CCND3: variants seen among roughly 807,000 people sequenced by gnomAD.
The protein encoded by CCND3 is G1/S-specific cyclin-D3.
A neutral mutation model predicts 28.7 loss-of-function variants in CCND3; 9 were observed. The observed-to-expected ratio is 0.31, with a 90% CI of 0.19 to 0.55. The LOEUF is 0.55. Ranked by LOEUF, CCND3 falls within the 20% of genes least tolerant of loss-of-function variation. The probability of loss-of-function intolerance (pLI) is 0.93; values close to 1 mark genes in which losing one functional copy is unlikely to be tolerated. For missense variants in CCND3, 315 were observed against 385.8 expected, an observed-to-expected ratio of 0.82 and a Z score of 1.54; for synonymous variants, 164 against 163.9, an observed-to-expected ratio of 1.00 and a Z score of 0.00.
chr6:41,935,808 A>C lies in CCND3; in HGVS notation c.*132T>G. The C allele has an allele frequency of 2.3e-6, 2 of 879,098 alleles. No individual in the cohort carries two copies. Among genetic ancestry groups the C allele is most frequent in the Non-Finnish European group, 3.6e-6 (2 of 554,678 alleles). The allele number at this position is 879,098 out of a possible 1,614,324, so 54.5% of individuals were successfully genotyped here. A position where few individuals can be genotyped will look rare whatever the true frequency, so the allele number is the denominator to read the frequency against. ...ACACTGCGGGGATGGGTAGGACCAG[A>C]TCCCTTGGGCTTTGTGAAGGGGGAA... is the stretch of plus-strand genomic sequence containing the variant. On this transcript the variant is annotated 3_prime_UTR_variant, in exon 5 of 5. Transcript: ENST00000372991.
At chr6:41,966,333 T>A (rs1761885397) in intron 1 of CCND3, among the ~76,000 whole-genome samples, 1 of 151,770 alleles carries the variant, frequency 6.6e-6, no homozygotes, top group Non-Finnish European at 1.5e-5. Flanking sequence ...GGTGGGAGGA[T>A]CCCTGGAGCC....
chr6:41,997,647 C>T (rs1436050453), intron 1 of CCND3, among the ~76,000 whole-genome samples: 2 of 151,920 alleles, frequency 1.3e-5, no homozygotes, highest in Non-Finnish European at 2.9e-5. Flanking sequence ...GTCTCAGCTA[C>T]TCAGGAGGCC....
At chr6:42,027,809 T>TTG (rs1763925960) in intron 1 of CCND3, among the ~76,000 whole-genome samples, 1 of 151,908 alleles carries the variant, frequency 6.6e-6, no homozygotes, top group Non-Finnish European at 1.5e-5. Context: ...GGGCAATGGC[T>TTG]CAATCTCAGC....
At chr6:42,009,233 T>TG (rs1040921405) in intron 1 of CCND3, among the ~76,000 whole-genome samples, 4 of 152,018 alleles carry the variant, frequency 2.6e-5, no homozygotes, top group South Asian at 2.1e-4. Context: ...CCCAGCACTT[T>TG]GGGGGGCCGA....
At chr6:42,009,911 G>T (rs1763291373) in intron 1 of CCND3, among the ~76,000 whole-genome samples, 1 of 152,168 alleles carries the variant, frequency 6.6e-6, no homozygotes, top group Non-Finnish European at 1.5e-5. Context: ...TAGAAATGCA[G>T]ATTGTTGGGC....
intron 1 of CCND3, among the ~76,000 whole-genome samples, chr6:42,001,398 A>C (rs1763007260): frequency 6.6e-6 from 1 of 152,210 alleles, no homozygotes; most frequent in South Asian, 2.1e-4. Context: ...GTGCATATAC[A>C]TCCATACAAT....
At chr6:41,977,858 C>G (rs1159567708) in intron 1 of CCND3, among the ~76,000 whole-genome samples, 1 of 152,078 alleles carries the variant, frequency 6.6e-6, no homozygotes, top group Non-Finnish European at 1.5e-5. Context: ...TCTAACCTCC[C>G]AGCCTGGCCA....
intron 1 of CCND3, among the ~76,000 whole-genome samples, chr6:42,045,111 T>C (rs1009000496): frequency 1.3e-5 from 2 of 152,036 alleles, no homozygotes; most frequent in African/African-American, 4.8e-5. Flanking sequence ...GTGGCTATCC[T>C]TTCTTAAATA....
At chr6:41,962,762 T>TC (rs1761755598) in intron 1 of CCND3, among the ~76,000 whole-genome samples, 1 of 146,296 alleles carries the variant, frequency 6.8e-6, no homozygotes, top group Admixed American at 6.7e-5. Flanking sequence ...AAAAATAATT[T>TC]TTTTTTGAGA....
chr6:41,977,469 C>T (rs1223924837), intron 1 of CCND3, among the ~76,000 whole-genome samples: 13 of 152,070 alleles, frequency 8.5e-5, no homozygotes, highest in Non-Finnish European at 2.9e-5. Flanking sequence ...CAGGTTCAGG[C>T]GATTCTCCTG....
chr6:41,948,412 T>G (rs1776222780), intron 1 of CCND3, among the ~76,000 whole-genome samples: 1 of 151,894 alleles, frequency 6.6e-6, no homozygotes, highest in Non-Finnish European at 1.5e-5. Flanking sequence ...AACGACTCAC[T>G]GCAGCCTCTA....
intron 1 of CCND3, among the ~76,000 whole-genome samples, chr6:41,966,986 A>G (rs1030204888): frequency 2.0e-5 from 3 of 152,164 alleles, no homozygotes; most frequent in Non-Finnish European, 2.9e-5. Flanking sequence ...ATATAACAAT[A>G]GTTATATAGC....
intron 1 of CCND3, among the ~76,000 whole-genome samples, chr6:41,987,499 CTCTCTCTCTCTCTCTCTCTG>C (rs1385427665): frequency 8.3e-5 from 7 of 84,322 alleles, no homozygotes; most frequent in African/African-American, 2.4e-4. Context: ...CTCTCTCTCT[CTCTCTCTCTCTCTCTCTCTG>C]TGTGTGTGTG....
chr6:41,970,762 C>A (rs931366636), intron 1 of CCND3, among the ~76,000 whole-genome samples: 2 of 152,172 alleles, frequency 1.3e-5, no homozygotes, highest in African/African-American at 4.8e-5. Flanking sequence ...ACTGACAGTG[C>A]CTGTGAGAAA....
At chr6:41,959,679 T>TCCGTCTCAAAAAAAAAA (rs772818142) in intron 1 of CCND3, among the ~76,000 whole-genome samples, 8 of 147,118 alleles carry the variant, frequency 5.4e-5, no homozygotes, top group South Asian at 2.2e-4. Context: ...ACAGCAAGAC[T>TCCGTCTCAAAAAAAAAA]AAATCAGGCC....
chr6:41,970,581 C>T (rs1319585418), intron 1 of CCND3, among the ~76,000 whole-genome samples: 2 of 152,082 alleles, frequency 1.3e-5, no homozygotes, highest in Non-Finnish European at 2.9e-5. Context: ...TATTAACAAC[C>T]TCACTTCCTC....
chr6:42,025,819 G>A (rs1763860320), intron 1 of CCND3, among the ~76,000 whole-genome samples: 1 of 152,212 alleles, frequency 6.6e-6, no homozygotes, highest in Non-Finnish European at 1.5e-5. Context: ...AAGCTACAGA[G>A]GTAAGGGACT....
At chr6:42,047,492 C>A (rs933943626) in intron 1 of CCND3, among the ~76,000 whole-genome samples, 2 of 152,132 alleles carry the variant, frequency 1.3e-5, no homozygotes, top group African/African-American at 4.8e-5. Context: ...GGCAAGGACT[C>A]GTCAGAGGAA....
At chr6:42,032,146 T>C (rs537877566) in intron 1 of CCND3, among the ~76,000 whole-genome samples, 1 of 151,964 alleles carries the variant, frequency 6.6e-6, no homozygotes, top group East Asian at 1.9e-4. Flanking sequence ...AATGCAGTGG[T>C]GCCATCACAG....
Sources: gnomAD v4.1 joint callset for allele counts (sites outside exome capture counted in the v4.1 genomes callset) on GRCh38, gnomAD v4.1.1 for gene constraint, MANE v1.5 for transcripts, NCBI Gene and HGNC (gene_info 2026-07-23, HGNC 2026-07-21) for gene names.